The following AFF3 variants were observed in gnomAD, a reference collection of about 807,000 sequenced individuals.
The protein encoded by AFF3 is AF4/FMR2 family member 3.
Under a neutral mutation model 129.7 loss-of-function variants are expected in AFF3, and 32 were observed. That is an observed-to-expected ratio of 0.25 (90% CI 0.19 to 0.33). AFF3 has a LOEUF of 0.33. AFF3 is among the 10% of genes least tolerant of loss of function. The pLI, the probability that AFF3 is intolerant of heterozygous loss-of-function variation, is 1.00. For missense variants in AFF3, 1,373 were observed against 1,592.0 expected, an observed-to-expected ratio of 0.86 and a Z score of 2.34; for synonymous variants, 644 against 635.4, an observed-to-expected ratio of 1.01 and a Z score of -0.20.
intron 7 of AFF3, among the ~76,000 whole-genome samples, chr2:99,984,131 C>A (rs1041249302): frequency 3.9e-5 from 6 of 152,064 alleles, no homozygotes; most frequent in African/African-American, 1.2e-4. Flanking sequence ...TTTAATTTCA[C>A]AACATAGTGT....
At chr2:99,619,155 T>G (rs1011161602) in intron 13 of AFF3, among the ~76,000 whole-genome samples, 1 of 152,226 alleles carries the variant, frequency 6.6e-6, no homozygotes, top group African/African-American at 2.4e-5. Flanking sequence ...ATTTGGCTCC[T>G]GAAAACCCTC....
chr2:99,563,662 T>C (rs1427052003), intron 20 of AFF3, among the ~76,000 whole-genome samples: 1 of 151,250 alleles, frequency 6.6e-6, no homozygotes, highest in Non-Finnish European at 1.5e-5. Flanking sequence ...AATACAAAAT[T>C]AGCTGGATGT....
chr2:100,106,500 T>C, intron 2 of AFF3: 1 of 1,001,850 alleles, frequency 1.0e-6, no homozygotes, highest in Non-Finnish European at 1.2e-6. Flanking sequence ...GTTGGAAATG[T>C]TTGCTTTGGC....
intron 7 of AFF3, among the ~76,000 whole-genome samples, chr2:99,943,379 T>G (rs1442690097): frequency 2.0e-5 from 3 of 152,212 alleles, no homozygotes; most frequent in Admixed American, 2.0e-4. Context: ...ATCCCTAATC[T>G]TTTGATTTAG....
intron 4 of AFF3, among the ~76,000 whole-genome samples, chr2:100,073,076 C>T (rs1388515746): frequency 6.6e-6 from 1 of 152,158 alleles, no homozygotes; most frequent in African/African-American, 2.4e-5. Flanking sequence ...GAGGATCTTC[C>T]CATGCTGTAG....
chr2:100,141,449 A>G (rs1011475952), intron 1 of AFF3, among the ~76,000 whole-genome samples: 2 of 152,218 alleles, frequency 1.3e-5, no homozygotes, highest in African/African-American at 4.8e-5. Context: ...TTGTAGTTAG[A>G]ACATTCTTAA....
chr2:99,771,432 G>A (rs1200645675), intron 8 of AFF3, among the ~76,000 whole-genome samples: 6 of 149,308 alleles, frequency 4.0e-5, no homozygotes, highest in Admixed American at 6.7e-5. Context: ...AAAAAAACCA[G>A]AGCAATTCAC....
chr2:100,084,183 C>A (rs1288984190), intron 4 of AFF3, among the ~76,000 whole-genome samples: 2 of 152,220 alleles, frequency 1.3e-5, no homozygotes, highest in African/African-American at 2.4e-5. Flanking sequence ...TACAGTCCCT[C>A]ATTTAGTCAA....
intron 18 of AFF3, among the ~76,000 whole-genome samples, chr2:99,574,257 T>C (rs1034781305): frequency 1.3e-5 from 2 of 152,184 alleles, no homozygotes; most frequent in African/African-American, 4.8e-5. Flanking sequence ...TGTTGTGCGT[T>C]TGCTTAATGT....
intron 7 of AFF3, among the ~76,000 whole-genome samples, chr2:99,896,622 T>C (rs1318331682): frequency 1.6e-5 from 1 of 62,164 alleles, no homozygotes; most frequent in Non-Finnish European, 2.9e-5. Context: ...TCAAAATGCT[T>C]TTTTTTTTTT....
chr2:99,936,789 G>C (rs187955590), intron 7 of AFF3, among the ~76,000 whole-genome samples: 14 of 152,272 alleles, frequency 9.2e-5, no homozygotes, highest in Non-Finnish European at 1.9e-4. Context: ...CATCAGGAAA[G>C]GGTTCTTCCT....
intron 2 of AFF3, among the ~76,000 whole-genome samples, chr2:100,128,477 T>A (rs1206219411): frequency 6.6e-6 from 1 of 152,114 alleles, no homozygotes; most frequent in Non-Finnish European, 1.5e-5. Flanking sequence ...AAGACCAGAG[T>A]GACCTACTCA....
At chr2:99,777,881 G>C (rs1430071139) in intron 8 of AFF3, among the ~76,000 whole-genome samples, 2 of 148,986 alleles carry the variant, frequency 1.3e-5, no homozygotes, top group African/African-American at 5.0e-5. Context: ...CCTGGCCCTG[G>C]GAGCGCAGGC....
chr2:99,703,395 A>G (rs1195177632), intron 11 of AFF3, among the ~76,000 whole-genome samples: 1 of 152,180 alleles, frequency 6.6e-6, no homozygotes, highest in Non-Finnish European at 1.5e-5. Flanking sequence ...GTTTTTTTCT[A>G]GAAGTTCGAA....
intron 20 of AFF3, among the ~76,000 whole-genome samples, chr2:99,562,278 G>A (rs181024556): frequency 1.1e-3 from 162 of 152,244 alleles, no homozygotes; most frequent in Non-Finnish European, 1.7e-3. Context: ...CCTCTCCTCT[G>A]AGACTTCCAT....
intron 13 of AFF3, among the ~76,000 whole-genome samples, chr2:99,613,649 C>T (rs1010945112): frequency 1.3e-5 from 2 of 152,090 alleles, no homozygotes; most frequent in African/African-American, 2.4e-5. Context: ...ACCATAATAA[C>T]TCTAGTATTT....
chr2:100,142,136 C>T (rs567442282), intron 1 of AFF3, among the ~76,000 whole-genome samples: 1 of 152,092 alleles, frequency 6.6e-6, no homozygotes, highest in East Asian at 1.9e-4. Flanking sequence ...TTTCATAAGG[C>T]CCCAGCCAGC....
At chr2:99,652,164 T>G (rs919768454) in intron 12 of AFF3, among the ~76,000 whole-genome samples, 10 of 152,126 alleles carry the variant, frequency 6.6e-5, no homozygotes, top group African/African-American at 2.4e-4. Context: ...AATCTGAGCA[T>G]AATTTTAAAG....
At chr2:100,125,043 A>G (rs1692128249) in intron 2 of AFF3, among the ~76,000 whole-genome samples, 1 of 152,196 alleles carries the variant, frequency 6.6e-6, no homozygotes, top group East Asian at 1.9e-4. Flanking sequence ...AAAGGTAAAC[A>G]TGTATCTGGA....
Sources: allele counts gnomAD v4.1 joint callset (sites outside exome capture counted in the v4.1 genomes callset), GRCh38; gene constraint gnomAD v4.1.1; transcripts MANE v1.5; gene names NCBI Gene and HGNC (gene_info 2026-07-23, HGNC 2026-07-21).